Variants in SLC39A11 observed in about 807,000 individuals in gnomAD.
SLC39A11 encodes the protein zinc transporter ZIP11.
In SLC39A11, 33 loss-of-function variants were observed where a neutral mutation model predicts 36.1. That is an observed-to-expected ratio of 0.91 (90% CI 0.69 to 1.22). The LOEUF (loss-of-function observed/expected upper bound fraction) is 1.22, where lower values mean the gene tolerates loss of function less well. Among genes scored for constraint, SLC39A11 ranks in the 50% most tolerant of loss-of-function variants. The pLI, the probability that SLC39A11 is intolerant of heterozygous loss-of-function variation, is 0.00. For synonymous variants in SLC39A11, 166 were observed against 170.3 expected (o/e 0.97, Z 0.20); for missense variants, 432 against 430.3 (o/e 1.00, Z -0.03).
intron 4 of SLC39A11, among the ~76,000 whole-genome samples, chr17:73,019,046 C>CA (rs964870141): frequency 2.4e-4 from 37 of 151,938 alleles, no homozygotes; most frequent in South Asian, 4.2e-4. Context: ...GTCCTAAAAG[C>CA]AAAAAAACTG....
chr17:73,068,705 C>T (rs1360938239), intron 3 of SLC39A11, among the ~76,000 whole-genome samples: 6 of 152,132 alleles, frequency 3.9e-5, no homozygotes. Flanking sequence ...GTCCTCTAGA[C>T]TCTCCAGCAG....
chr17:73,008,394 C>G lies in SLC39A11; in HGVS notation c.306+23162G>C, dbSNP rs1568114668. 2.0e-5 allele frequency among the ~76,000 whole-genome samples: 3 copies of G among 152,306 alleles called. No individual in the cohort carries two copies. In the East Asian group the frequency reaches 5.8e-4, roughly 29 times the overall value. ...AAGCTAGCCTGAAGCTCTACCCAAA[C>G]AACCACACTGCCCTGACCAGGCCGC... On this transcript the variant is annotated intron_variant, in intron 4 of 9. Coordinates refer to ENST00000255559, the MANE Select transcript of SLC39A11 (RefSeq NM_139177.4).
chr17:73,062,475 A>AAAAAAAAAAAAAAAAAAAAACAAAAC (rs56021607), intron 3 of SLC39A11, among the ~76,000 whole-genome samples: 1 of 87,032 alleles, frequency 1.1e-5, no homozygotes, highest in African/African-American at 4.6e-5. Flanking sequence ...AAAAAAAAAA[A>AAAAAAAAAAAAAAAAAAAAACAAAAC]AAACTTTAGG....
chr17:72,981,562 A>C (rs559662794), intron 4 of SLC39A11, among the ~76,000 whole-genome samples: 36 of 151,436 alleles, frequency 2.4e-4, no homozygotes, highest in African/African-American at 8.7e-4. Flanking sequence ...TGTATACCAA[A>C]ATAGATTCTG....
In SLC39A11 at chr17:72,646,730, G is replaced by A. The variant is rs929255266; in HGVS notation, c.*854C>T. On this transcript the variant is annotated 3_prime_UTR_variant, in exon 10 of 10. Coordinates refer to ENST00000255559, the MANE Select transcript of SLC39A11 (RefSeq NM_139177.4). ...GTTTGAGTTCTAGCAGTTTGCTGGT[G>A]TCTCCAAGTCTCTTAGAAACATGAT... 3.9e-5 allele frequency: 6 copies of A among 152,556 alleles called. No homozygotes were observed. Among genetic ancestry groups the A allele is most frequent in the Admixed American group, 1.3e-4 (2 of 15,280 alleles). 9.5% of individuals were successfully genotyped at this position (152,556 alleles called of 1,614,324 possible).
At chr17:72,908,197 G>C (rs1347272843) in intron 5 of SLC39A11, among the ~76,000 whole-genome samples, 1 of 152,220 alleles carries the variant, frequency 6.6e-6, no homozygotes, top group African/African-American at 2.4e-5. Context: ...TCCAGGCCAG[G>C]TGCTCTCTGC....
intron 9 of SLC39A11, among the ~76,000 whole-genome samples, chr17:72,648,330 TAAA>T (rs10715471): frequency 7.5e-4 from 95 of 126,042 alleles, no homozygotes; most frequent in Non-Finnish European, 9.3e-4. Flanking sequence ...ACTCTGCCAT[TAAA>T]AAAAAAAAAA....
intron 5 of SLC39A11, among the ~76,000 whole-genome samples, chr17:72,918,207 G>A (rs1489196298): frequency 1.3e-5 from 2 of 152,236 alleles, no homozygotes; most frequent in South Asian, 2.1e-4. Flanking sequence ...TCAGGAGTCC[G>A]AGACCAGCCA....
chr17:72,676,640 G>A lies in SLC39A11; in HGVS notation c.672-27372C>T, dbSNP rs544722895. On this transcript the variant is annotated intron_variant, in intron 7 of 9. Coordinates refer to ENST00000255559, the MANE Select transcript of SLC39A11 (RefSeq NM_139177.4). ...TTAGGCAGTTCCTGGGAACTTGAAT[G>A]GTAAACAGTTCCCTACACAGATATA... 1.3e-3 allele frequency among the ~76,000 whole-genome samples: 202 copies of A among 152,164 alleles called. 5 individuals carry two copies. In the South Asian group the frequency reaches 0.041, roughly 31 times the overall value.
At chr17:72,865,424 A>AC (rs1284589560) in intron 5 of SLC39A11, among the ~76,000 whole-genome samples, 3 of 151,802 alleles carry the variant, frequency 2.0e-5, no homozygotes, top group Non-Finnish European at 4.4e-5. Context: ...AAAAAAAAAA[A>AC]AAACAACTTT....
intron 5 of SLC39A11, among the ~76,000 whole-genome samples, chr17:72,918,603 G>C (rs1388093805): frequency 6.6e-6 from 1 of 152,282 alleles, no homozygotes; most frequent in East Asian, 1.9e-4. Context: ...GTAAAAGGAA[G>C]GAAAGAATGT....
chr17:72,685,973 T>C (rs1369931206), intron 7 of SLC39A11, among the ~76,000 whole-genome samples: 1 of 151,736 alleles, frequency 6.6e-6, no homozygotes, highest in Non-Finnish European at 1.5e-5. Context: ...GAGATGAAGA[T>C]TGCAGTGAGC....
chr17:72,864,868 T>C (rs1236004318), intron 5 of SLC39A11, among the ~76,000 whole-genome samples: 3 of 152,168 alleles, frequency 2.0e-5, no homozygotes, highest in South Asian at 2.1e-4. Flanking sequence ...CAGGACATGA[T>C]GCAGAAGAAA....
intron 5 of SLC39A11, among the ~76,000 whole-genome samples, chr17:72,915,349 G>A (rs2083271894): frequency 1.3e-5 from 2 of 152,134 alleles, no homozygotes; most frequent in Non-Finnish European, 2.9e-5. Flanking sequence ...AAACTAGCTC[G>A]TTTTAATGCT....
At chr17:73,023,409 G>A (rs1319655432) in intron 4 of SLC39A11, among the ~76,000 whole-genome samples, 2 of 152,212 alleles carry the variant, frequency 1.3e-5, no homozygotes, top group African/African-American at 4.8e-5. Flanking sequence ...AACACTGTGG[G>A]ATTCCAAGGT....
chr17:73,004,166 A>AGAAG (rs2090001783), intron 4 of SLC39A11, among the ~76,000 whole-genome samples: 7 of 47,318 alleles, frequency 1.5e-4, no homozygotes, highest in Non-Finnish European at 2.5e-4. Context: ...AAGGAAAAAA[A>AGAAG]GAAAGAAAGA....
intron 4 of SLC39A11, among the ~76,000 whole-genome samples, chr17:73,004,474 C>T (rs2090074754): frequency 6.6e-6 from 1 of 152,252 alleles, no homozygotes; most frequent in Admixed American, 6.5e-5. Flanking sequence ...CATATGAGGG[C>T]CCCATCCTCA....
intron 7 of SLC39A11, among the ~76,000 whole-genome samples, chr17:72,686,820 G>C (rs536915297): frequency 3.3e-4 from 50 of 152,288 alleles, no homozygotes; most frequent in African/African-American, 1.2e-3. Context: ...TTCTAAACAG[G>C]GGCGTAATGG....
intron 3 of SLC39A11, among the ~76,000 whole-genome samples, chr17:73,083,715 GA>G (rs11328122): frequency 0.79 from 118,732 of 150,518 alleles, 46,838 homozygotes; most frequent in East Asian, 0.88. Context: ...TTACTAGCAT[GA>G]AAAAAAAAAT....
Sources: allele counts gnomAD v4.1 joint callset (sites outside exome capture counted in the v4.1 genomes callset), GRCh38; gene constraint gnomAD v4.1.1; transcripts MANE v1.5; gene names NCBI Gene and HGNC (gene_info 2026-07-23, HGNC 2026-07-21).